The following MARK3 variants were observed in gnomAD, a reference collection of about 807,000 sequenced individuals.
MARK3 encodes MAP/microtubule affinity-regulating kinase 3.
A neutral mutation model predicts 90.1 loss-of-function variants in MARK3; 46 were observed. That is an observed-to-expected ratio of 0.51 (90% CI 0.40 to 0.65). MARK3 has a LOEUF of 0.65. Ranked by LOEUF, MARK3 falls within the 30% of genes least tolerant of loss-of-function variation. The pLI is 0.00. For missense variants in MARK3, 818 were observed against 947.2 expected, an observed-to-expected ratio of 0.86 and a Z score of 1.79; for synonymous variants, 321 against 332.6, an observed-to-expected ratio of 0.97 and a Z score of 0.38.
intron 2 of MARK3, 44 bp from the exon 3 acceptor site, chr14:103,428,343 T>C (rs997056174): frequency 9.2e-7 from 1 of 1,087,868 alleles, no homozygotes. Flanking sequence ...CAGTCCATAA[T>C]TACTAAATTC....
chr14:103,462,347 T>C (rs1158018230), intron 6 of MARK3, 58 bp from the exon 7 acceptor site: 9 of 1,265,772 alleles, frequency 7.1e-6, no homozygotes. Context: ...CAAAGTTATT[T>C]TCATCTTAAT....
At chr14:103,434,061 C>G (rs1180662280) in intron 3 of MARK3, among the ~76,000 whole-genome samples, 2 of 152,018 alleles carry the variant, frequency 1.3e-5, no homozygotes, top group African/African-American at 2.4e-5. Context: ...GTTGTTCTAG[C>G]CAGAGAGAAC....
At chr14:103,484,163 C>CTTTT (rs34512580) in intron 14 of MARK3, among the ~76,000 whole-genome samples, 3 of 146,320 alleles carry the variant, frequency 2.1e-5, no homozygotes, top group Non-Finnish European at 3.0e-5. Flanking sequence ...AGAATCTTTT[C>CTTTT]TTTTTTTTTT....
chr14:103,458,419 A>T (rs1347732574), intron 6 of MARK3, among the ~76,000 whole-genome samples: 1 of 122,650 alleles, frequency 8.2e-6, no homozygotes, highest in Non-Finnish European at 1.6e-5. Context: ...AGACCGTACC[A>T]TTGCACTTCA....
rs574496222 is a variant in MARK3 at position 103,465,484 on chromosome 14, A to G, written c.541-73A>G. On this transcript the variant is annotated intron_variant, in intron 7 of 17. Transcript: ENST00000429436. ...ATATCATTACAGAAAGCTTTTCTAA[A>G]ATGCCTAATCCTGTCATAATTCTAA... 109 of 1,029,432 alleles carry G rather than the reference A, an allele frequency of 1.1e-4. No homozygotes were observed. In the African/African-American group the frequency reaches 1.6e-3, roughly 15 times the overall value. The allele number at this position is 1,029,432 out of a possible 1,614,324, so 63.8% of individuals were successfully genotyped here.
intron 2 of MARK3, among the ~76,000 whole-genome samples, chr14:103,410,462 C>A (rs1237482478): frequency 2.0e-5 from 3 of 152,174 alleles, no homozygotes; most frequent in Middle Eastern, 3.2e-3. Context: ...GTAGAGAAAA[C>A]CAGAAGTTGC....
In MARK3 at chr14:103,467,153, A is replaced by C; in HGVS notation, c.1072A>C (p.Thr358Pro). Residue 358 changes from threonine to proline, a missense_variant, in exon 11 of 18, where the codon ACA (threonine) becomes CCA (proline). This residue lies in a region of MARK3 where 560 missense variants were observed against 613.5 expected (regional missense o/e 0.91). Transcript: ENST00000429436. Reference protein sequence around the residue: ...SLSKMKYDEITATYLLLGRKS... With the variant: ...SLSKMKYDEIPATYLLLGRKS... ...TAGTAAGATGAAATACGATGAAATC[A>C]CAGCTACATATTTGTTATTGGGGAG... The C allele has an allele frequency of 6.2e-7, 1 of 1,602,358 alleles. No homozygotes were observed. The highest frequency in any genetic ancestry group is 8.5e-7 in the Non-Finnish European group (1 of 1,171,634).
intron 14 of MARK3, among the ~76,000 whole-genome samples, chr14:103,484,522 A>G (rs1390831681): frequency 6.6e-6 from 1 of 152,246 alleles, no homozygotes; most frequent in East Asian, 1.9e-4. Flanking sequence ...GTAAAGTTTC[A>G]AAATTGTGAA....
intron 10 of MARK3, 21 bp downstream of exon 10, chr14:103,466,463 T>C: frequency 6.8e-7 from 1 of 1,477,432 alleles, no homozygotes; most frequent in Middle Eastern, 1.7e-4. Flanking sequence ...CATGCCTGCA[T>C]GTTCATGTGT....
At chr14:103,395,470 T>C (rs1343719333) in intron 1 of MARK3, among the ~76,000 whole-genome samples, 1 of 152,134 alleles carries the variant, frequency 6.6e-6, no homozygotes, top group Non-Finnish European at 1.5e-5. Flanking sequence ...GTCACTTTCA[T>C]CTCTGTCAGG....
intron 1 of MARK3, among the ~76,000 whole-genome samples, chr14:103,394,940 G>A (rs940449084): frequency 2.6e-5 from 4 of 152,126 alleles, no homozygotes; most frequent in Non-Finnish European, 4.4e-5. Context: ...CCGCCACCAC[G>A]CCTGGCTAAT....
intron 3 of MARK3, among the ~76,000 whole-genome samples, chr14:103,448,063 G>A (rs954129274): frequency 9.9e-5 from 15 of 152,180 alleles, no homozygotes; most frequent in Non-Finnish European, 1.5e-5. Context: ...GTGAGCCACC[G>A]TGCTCGGCTG....
At chr14:103,484,177 T>C (rs1423991228) in intron 14 of MARK3, among the ~76,000 whole-genome samples, 1 of 147,144 alleles carries the variant, frequency 6.8e-6, no homozygotes, top group South Asian at 2.2e-4. Context: ...TTTTTTTTTC[T>C]TTTTTTCTTT....
chr14:103,471,561 C>G (rs1333008673), intron 12 of MARK3, among the ~76,000 whole-genome samples: 1 of 152,120 alleles, frequency 6.6e-6, no homozygotes, highest in African/African-American at 2.4e-5. Flanking sequence ...GCCTGTATAG[C>G]CGGGCTAACT....
chr14:103,432,606 T>C (rs1173741109), intron 3 of MARK3, among the ~76,000 whole-genome samples: 3 of 152,046 alleles, frequency 2.0e-5, no homozygotes, highest in African/African-American at 7.2e-5. Flanking sequence ...ATCCCAGCAC[T>C]TGGGGAGCCT....
intron 17 of MARK3, among the ~76,000 whole-genome samples, chr14:103,502,583 T>C (rs563499852): frequency 6.6e-6 from 1 of 152,340 alleles, no homozygotes; most frequent in Admixed American, 6.5e-5. Flanking sequence ...TGCTGTCCTT[T>C]TTGCCTGATT....
intron 6 of MARK3, among the ~76,000 whole-genome samples, chr14:103,460,117 G>A (rs10139279): frequency 0.4 from 38,273 of 95,228 alleles, 6,926 homozygotes; most frequent in Middle Eastern, 0.59. Context: ...GACAAATCTC[G>A]CTTTGTCGCC....
chr14:103,424,525 C>CAA (rs769305288), intron 2 of MARK3, among the ~76,000 whole-genome samples: 24 of 35,474 alleles, frequency 6.8e-4, no homozygotes, highest in African/African-American at 1.8e-3. Flanking sequence ...GACCTCGTCT[C>CAA]AAAAAAAAAA....
At chr14:103,426,908 A>AT (rs201075723) in intron 2 of MARK3, among the ~76,000 whole-genome samples, 5 of 27,640 alleles carry the variant, frequency 1.8e-4, no homozygotes, top group Admixed American at 4.0e-4. Flanking sequence ...AAAAAAAAAA[A>AT]ATTTTTAAAG....
Sources: gnomAD v4.1 joint callset for allele counts (sites outside exome capture counted in the v4.1 genomes callset) on GRCh38, gnomAD v4.1.1 for gene constraint, gnomAD v4.1.1 regional missense constraint, MANE v1.5 for transcripts, NCBI Gene and HGNC (gene_info 2026-07-23, HGNC 2026-07-21) for gene names.